CSNK1G1: variants seen among roughly 807,000 people sequenced by gnomAD.
CSNK1G1 encodes casein kinase 1 gamma 1, also known as casein kinase I isoform gamma-1.
CSNK1G1 carries 22 observed loss-of-function variants against 59.6 expected under a neutral mutation model. The observed-to-expected ratio is 0.37, with a 90% CI of 0.26 to 0.53. The LOEUF (loss-of-function observed/expected upper bound fraction) is 0.53. Ranked by LOEUF, CSNK1G1 falls within the 20% of genes least tolerant of loss-of-function variation. The probability of loss-of-function intolerance (pLI) is 0.89; values close to 1 mark genes in which losing one functional copy is unlikely to be tolerated. For missense variants in CSNK1G1, 384 were observed against 519.5 expected (o/e 0.74, Z 2.54); for synonymous variants, 179 against 177.1 (o/e 1.01, Z -0.08).
intron 11 of CSNK1G1, among the ~76,000 whole-genome samples, chr15:64,178,410 C>G (rs1743020229): frequency 6.6e-6 from 1 of 151,592 alleles, no homozygotes; most frequent in African/African-American, 2.4e-5. Context: ...AAAAGACAGT[C>G]AAGTCATCCT....
At chr15:64,217,238 C>A (rs551876279) in intron 4 of CSNK1G1, among the ~76,000 whole-genome samples, 1 of 152,296 alleles carries the variant, frequency 6.6e-6, no homozygotes, top group South Asian at 2.1e-4. Context: ...GCACAACTGG[C>A]CCTCTTTTCA....
chr15:64,297,743 A>G (rs921150349), intron 2 of CSNK1G1, among the ~76,000 whole-genome samples: 1 of 152,020 alleles, frequency 6.6e-6, no homozygotes, highest in Non-Finnish European at 1.5e-5. Context: ...GCTGTTTGAC[A>G]GACTGTGTGT....
At chr15:64,276,006 T>TA (rs1893592293) in intron 2 of CSNK1G1, among the ~76,000 whole-genome samples, 1 of 152,330 alleles carries the variant, frequency 6.6e-6, no homozygotes, top group African/African-American at 2.4e-5. Context: ...CCTAAGGTAT[T>TA]ACACATGATA....
At chr15:64,260,103 A>G (rs1433561047) in intron 2 of CSNK1G1, among the ~76,000 whole-genome samples, 2 of 152,186 alleles carry the variant, frequency 1.3e-5, no homozygotes, top group African/African-American at 2.4e-5. Context: ...CTGAGTGCTT[A>G]GTACATATCA....
intron 2 of CSNK1G1, among the ~76,000 whole-genome samples, chr15:64,287,404 T>C (rs1159897685): frequency 2.0e-5 from 3 of 152,198 alleles, no homozygotes; most frequent in African/African-American, 2.4e-5. Flanking sequence ...ATCTTTTTCA[T>C]ATTAATTTTT....
At position 64,200,598 on chromosome 15, in the gene CSNK1G1, G is replaced by C. The variant is rs8030280; in HGVS notation, c.1107+2484C>G. On this transcript the variant is annotated intron_variant, in intron 10 of 11. Coordinates refer to ENST00000303052, the MANE Select transcript of CSNK1G1 (RefSeq NM_022048.5). This position sits in a 1 kb window ranked among gnomAD's most constrained non-coding sequence, Gnocchi z 4.3. ...TGACCTCAGGTGATCGACCCGCCTCGGCCTCCCAAAGTGCTGGGATTACAG... is the reference window on the plus strand; with the variant it reads ...TGACCTCAGGTGATCGACCCGCCTCCGCCTCCCAAAGTGCTGGGATTACAG... 1.3e-5 allele frequency among the ~76,000 whole-genome samples: 2 copies of C among 152,136 alleles called. No individual in the cohort carries two copies. Among genetic ancestry groups the C allele is most frequent in the Non-Finnish European group, 2.9e-5 (2 of 68,022 alleles).
At chr15:64,266,753 T>C (rs1893009911) in intron 2 of CSNK1G1, among the ~76,000 whole-genome samples, 1 of 152,264 alleles carries the variant, frequency 6.6e-6, no homozygotes, top group South Asian at 2.1e-4. Context: ...GCCAAGAATA[T>C]ACACTGGGGA....
At chr15:64,283,642 C>G (rs1165134241) in intron 2 of CSNK1G1, among the ~76,000 whole-genome samples, 1 of 151,732 alleles carries the variant, frequency 6.6e-6, no homozygotes. Context: ...CACCAACGCA[C>G]CCAGCTAATT....
At chr15:64,209,686 T>C (rs1033609132) in intron 6 of CSNK1G1, among the ~76,000 whole-genome samples, 8 of 152,140 alleles carry the variant, frequency 5.3e-5, no homozygotes, top group African/African-American at 1.9e-4. Flanking sequence ...AAACAGTTTG[T>C]TGACACAACC....
chr15:64,201,065 A>C (rs2082099935), intron 10 of CSNK1G1, among the ~76,000 whole-genome samples: 1 of 152,138 alleles, frequency 6.6e-6, no homozygotes, highest in Admixed American at 6.5e-5. Context: ...TGAAGTCAGG[A>C]GTTCGAGACC....
intron 2 of CSNK1G1, among the ~76,000 whole-genome samples, chr15:64,291,785 A>T (rs1371091298): frequency 6.6e-6 from 1 of 152,198 alleles, no homozygotes; most frequent in East Asian, 1.9e-4. Context: ...TTGGAGTGGA[A>T]AATAATGGAT....
intron 1 of CSNK1G1, among the ~76,000 whole-genome samples, chr15:64,304,074 A>G (rs755848885): frequency 6.6e-6 from 1 of 152,120 alleles, no homozygotes; most frequent in Non-Finnish European, 1.5e-5. Context: ...ATGGGACATA[A>G]GCATTGTTCA....
chr15:64,228,679 A>G (rs2082496711), intron 4 of CSNK1G1, among the ~76,000 whole-genome samples: 1 of 152,138 alleles, frequency 6.6e-6, no homozygotes, highest in Admixed American at 6.5e-5. Flanking sequence ...CCACAAAGGC[A>G]CATGATTAAG....
chr15:64,274,689 C>A (rs1480606132), intron 2 of CSNK1G1, among the ~76,000 whole-genome samples: 3 of 152,118 alleles, frequency 2.0e-5, no homozygotes, highest in African/African-American at 4.8e-5. Context: ...TCCATAAAAC[C>A]CTCTGCATGA....
chr15:64,315,934 A>T (rs924711478), intron 1 of CSNK1G1, among the ~76,000 whole-genome samples: 3 of 152,158 alleles, frequency 2.0e-5, no homozygotes, highest in African/African-American at 7.2e-5. Flanking sequence ...CCATGGGTCA[A>T]ATCTGTGTTT....
intron 1 of CSNK1G1, among the ~76,000 whole-genome samples, chr15:64,328,095 ACT>A (rs1445720654): frequency 1.3e-5 from 1 of 79,622 alleles, no homozygotes; most frequent in African/African-American, 5.1e-5. Context: ...GTTGGAAAAC[ACT>A]CTGCAGGATA....
chr15:64,180,027 A>G, intron 11 of CSNK1G1: 1 of 226,674 alleles, frequency 4.4e-6, no homozygotes, highest in Admixed American at 4.9e-5. Flanking sequence ...ATTTTTCTCT[A>G]TATCCCATAT....
At chr15:64,283,279 C>T (rs1195996808) in intron 2 of CSNK1G1, among the ~76,000 whole-genome samples, 2 of 151,854 alleles carry the variant, frequency 1.3e-5, no homozygotes, top group Non-Finnish European at 2.9e-5. Context: ...GAATACTAGC[C>T]CATTGTTAGA....
chr15:64,347,577 T>A (rs1164530482), intron 1 of CSNK1G1, among the ~76,000 whole-genome samples: 2 of 77,406 alleles, frequency 2.6e-5, no homozygotes, highest in Non-Finnish European at 2.7e-5. Flanking sequence ...ATAGCAACAC[T>A]CCGTCTTAAA....
Sources: gnomAD v4.1 joint callset for allele counts (sites outside exome capture counted in the v4.1 genomes callset) on GRCh38, gnomAD v4.1.1 for gene constraint, Gnocchi (gnomAD v3.1) non-coding constraint, MANE v1.5 for transcripts, NCBI Gene and HGNC (gene_info 2026-07-23, HGNC 2026-07-21) for gene names.